SORT1: variants seen among roughly 807,000 people sequenced by gnomAD.
SORT1 encodes the protein sortilin 1.
Under a neutral mutation model 101.7 loss-of-function variants are expected in SORT1, and 39 were observed. That is an observed-to-expected ratio of 0.38 (90% confidence interval 0.30 to 0.50). The LOEUF (loss-of-function observed/expected upper bound fraction) is 0.50, where lower values mean the gene tolerates loss of function less well. Among genes scored for constraint, SORT1 ranks in the 20% least tolerant of loss-of-function variants. SORT1 has a pLI of 0.90. For synonymous variants in SORT1, 396 were observed against 393.7 expected, an observed-to-expected ratio of 1.01 and a Z score of -0.07; for missense variants, 878 against 1,040.4, an observed-to-expected ratio of 0.84 and a Z score of 2.15.
intron 11 of SORT1, among the ~76,000 whole-genome samples, chr1:109,329,834 T>C (rs553304625): frequency 1.1e-4 from 17 of 152,330 alleles, no homozygotes; most frequent in African/African-American, 3.6e-4. Flanking sequence ...AAGAGCAAAC[T>C]TGAACAACAC....
chr1:109,388,295 C>T (rs868264660), intron 1 of SORT1, among the ~76,000 whole-genome samples: 2 of 152,094 alleles, frequency 1.3e-5, no homozygotes, highest in African/African-American at 4.8e-5. Flanking sequence ...TGGAATGCAG[C>T]GGCGCAATCA....
At chr1:109,351,535 C>A (rs945198409) in intron 5 of SORT1, among the ~76,000 whole-genome samples, 2 of 152,192 alleles carry the variant, frequency 1.3e-5, no homozygotes, top group Non-Finnish European at 2.9e-5. Flanking sequence ...AGGTCATAAA[C>A]CCTGCAGTGT....
intron 1 of SORT1, among the ~76,000 whole-genome samples, chr1:109,370,045 A>C (rs1651392147): frequency 6.6e-6 from 1 of 152,194 alleles, no homozygotes; most frequent in African/African-American, 2.4e-5. Flanking sequence ...GATTCCTTTT[A>C]CTTCTAGTCT....
chr1:109,347,909 G>A (rs1007564841), intron 6 of SORT1, among the ~76,000 whole-genome samples: 3 of 152,198 alleles, frequency 2.0e-5, no homozygotes, highest in African/African-American at 4.8e-5. Flanking sequence ...TGCACAGGAC[G>A]GTCCTCCACA....
Position 109,359,775 on chromosome 1 carries a change from C to G in SORT1, c.441-4306G>C, listed in dbSNP as rs4970844. ...TCTGCCTCCCAAAGTGCAGGGATTA[C>G]AGGCATGAGTTACCGCATCTGGCCT... On this transcript the variant is annotated intron_variant, in intron 3 of 19. Coordinates refer to ENST00000256637, the MANE Select transcript of SORT1 (RefSeq NM_002959.7). 4.5e-3 allele frequency among the ~76,000 whole-genome samples: 680 copies of G among 152,302 alleles called. 4 individuals carry two copies. The highest frequency in any genetic ancestry group is 6.7e-3 in the Non-Finnish European group (454 of 68,026).
In SORT1 at chr1:109,313,157, T is replaced by A. The variant is rs925377596; in HGVS notation, c.*886A>T. 6 of 152,318 alleles carry A rather than the reference T, an allele frequency of 3.9e-5. No individual in the cohort carries two copies. The highest frequency in any genetic ancestry group is 8.8e-5 in the Non-Finnish European group (6 of 68,036). The allele number at this position is 152,318 out of a possible 1,614,324, so 9.4% of individuals were successfully genotyped here. ...CCGACAATCAACTCTAGGGAAGAGA[T>A]CATTCAGCCTGGGCAGACTTCCAGC... On this transcript the variant is annotated 3_prime_UTR_variant, in exon 20 of 20. Coordinates refer to ENST00000256637, the MANE Select transcript of SORT1 (RefSeq NM_002959.7).
intron 1 of SORT1, chr1:109,392,961 T>G (rs1289407341): frequency 7.1e-6 from 7 of 985,296 alleles, no homozygotes; most frequent in Non-Finnish European, 8.4e-6. Context: ...GAAGGTAGGA[T>G]GAAGAGAGGC....
At chr1:109,348,699 C>T (rs1292218651) in intron 6 of SORT1, among the ~76,000 whole-genome samples, 1 of 151,948 alleles carries the variant, frequency 6.6e-6, no homozygotes, top group African/African-American at 2.4e-5. Context: ...CACTCTGTTG[C>T]CCAGGCTGGT....
intron 1 of SORT1, among the ~76,000 whole-genome samples, chr1:109,386,495 G>C (rs1057103026): frequency 2.0e-5 from 3 of 152,184 alleles, no homozygotes; most frequent in Admixed American, 6.5e-5. Context: ...CTGGTTAGAA[G>C]ATCACTTTAA....
intron 17 of SORT1, among the ~76,000 whole-genome samples, chr1:109,315,519 C>T (rs1355622361): frequency 1.3e-5 from 2 of 152,098 alleles, no homozygotes; most frequent in Non-Finnish European, 2.9e-5. Context: ...CTCCCATCAT[C>T]TCCTTAATCC....
chr1:109,371,744 A>G (rs1651494220), intron 1 of SORT1, among the ~76,000 whole-genome samples: 1 of 152,182 alleles, frequency 6.6e-6, no homozygotes, highest in Non-Finnish European at 1.5e-5. Context: ...GACCTCACTC[A>G]TCATCCAAAG....
At position 109,312,285 on chromosome 1, in the gene SORT1, A is replaced by G. The variant is rs1436312460; in HGVS notation, c.*1758T>C. The stretch of plus-strand genomic sequence containing the variant: ...AAACCATGCAAAATGAATAAGCAAA[A>G]AGACTAGTGCACTCCAGCCCTAACC... On this transcript the variant is annotated 3_prime_UTR_variant, in exon 20 of 20. Coordinates refer to ENST00000256637, the MANE Select transcript of SORT1 (RefSeq NM_002959.7). 1 of 152,612 alleles carries G rather than the reference A, an allele frequency of 6.6e-6. No homozygotes were observed. The highest frequency in any genetic ancestry group is 1.5e-5 in the Non-Finnish European group (1 of 68,034). 9.5% of individuals were successfully genotyped at this position (152,612 alleles called of 1,614,324 possible). A position where few individuals can be genotyped will look rare whatever the true frequency, so the allele number is the denominator to read the frequency against.
chr1:109,314,449 T>C, intron 18 of SORT1, 65 bp from the exon 19 acceptor site: 1 of 1,576,398 alleles, frequency 6.3e-7, no homozygotes, highest in Non-Finnish European at 8.6e-7. Context: ...TACAGGACTG[T>C]GGACTTTCTC....
At chr1:109,391,236 G>A (rs144982636) in intron 1 of SORT1, among the ~76,000 whole-genome samples, 92 of 152,184 alleles carry the variant, frequency 6.0e-4, no homozygotes, top group African/African-American at 2.0e-3. Context: ...CTATCTTTAA[G>A]AACATGCATA....
chr1:109,325,208 T>C (rs1400926740), intron 13 of SORT1, 119 bp from the exon 14 acceptor site: 2 of 503,714 alleles, frequency 4.0e-6, no homozygotes. Flanking sequence ...AGGTGGTGGC[T>C]TATTGGCTGA....
intron 1 of SORT1, among the ~76,000 whole-genome samples, chr1:109,394,510 A>G (rs1653084313): frequency 1.3e-5 from 2 of 152,242 alleles, no homozygotes; most frequent in South Asian, 4.1e-4. Context: ...CTGAGTGGTC[A>G]TCAGGACACC....
chr1:109,353,328 C>CAAA (rs1228771965), intron 5 of SORT1, among the ~76,000 whole-genome samples: 6 of 61,062 alleles, frequency 9.8e-5, no homozygotes, highest in South Asian at 5.1e-4. Context: ...AACTCTGTCT[C>CAAA]AAAAAAAAAA....
At position 109,313,688 on chromosome 1, in the gene SORT1, T is replaced by C. The variant is rs956703620; in HGVS notation, c.*355A>G. On this transcript the variant is annotated 3_prime_UTR_variant, in exon 20 of 20. Coordinates refer to ENST00000256637, the MANE Select transcript of SORT1 (RefSeq NM_002959.7). ...GGCAGATGCCCTGGGGCAGGCGCCATGCAGAACACACAGAAGTGGGGTTAG... is the reference window on the plus strand; with the variant it reads ...GGCAGATGCCCTGGGGCAGGCGCCACGCAGAACACACAGAAGTGGGGTTAG... 25 of 297,296 alleles carry C rather than the reference T, an allele frequency of 8.4e-5. No individual in the cohort carries two copies. The highest frequency in any genetic ancestry group is 2.9e-4 in the Admixed American group (6 of 20,340). The allele number at this position is 297,296 out of a possible 1,614,324, so 18.4% of individuals were successfully genotyped here.
intron 10 of SORT1, among the ~76,000 whole-genome samples, chr1:109,338,119 G>A (rs1020353342): frequency 5.9e-5 from 9 of 152,164 alleles, no homozygotes; most frequent in South Asian, 4.1e-4. Flanking sequence ...GTGAGGAGGC[G>A]AGGGCAAACT....
Sources: gnomAD v4.1 joint callset for allele counts (sites outside exome capture counted in the v4.1 genomes callset) on GRCh38, gnomAD v4.1.1 for gene constraint, MANE v1.5 for transcripts, NCBI Gene and HGNC (gene_info 2026-07-23, HGNC 2026-07-21) for gene names.